Variants in RALYL observed in about 807,000 individuals in gnomAD.
The protein encoded by RALYL is RALY RNA binding protein like.
RALYL carries 29 observed loss-of-function variants against 35.1 expected under a neutral mutation model. The ratio of observed to expected loss-of-function variants is 0.83; its 90% CI spans 0.61 to 1.13. The LOEUF (loss-of-function observed/expected upper bound fraction) is 1.13. Ranked by LOEUF, RALYL falls within the 50% of genes most tolerant of loss-of-function variation. RALYL has a pLI of 0.00. For synonymous variants in RALYL, 120 were observed against 127.6 expected (o/e 0.94, Z 0.40); for missense variants, 359 against 360.4 (o/e 1.00, Z 0.03).
intron 1 of RALYL, chr8:84,185,324 C>G: frequency 2.3e-6 from 1 of 435,046 alleles, no homozygotes; most frequent in Non-Finnish European, 4.2e-6. Flanking sequence ...AAAGGTTTTC[C>G]CCTGAGAACT....
In RALYL at chr8:84,572,078, G is replaced by A. The variant is rs540377600; in HGVS notation, c.256+42501G>A. 8.6e-5 allele frequency among the ~76,000 whole-genome samples: 13 copies of A among 151,800 alleles called. No individual in the cohort carries two copies. In the South Asian group the frequency reaches 1.5e-3, roughly 17 times the overall value. On this transcript the variant is annotated intron_variant, in intron 2 of 8. Transcript: ENST00000521268. ...ATATATGTATATTCTGCCTTTGTTG[G>A]GCAGAATATTCTGTAAATGTCCATT...
intron 1 of RALYL, among the ~76,000 whole-genome samples, chr8:84,499,451 G>C (rs919074207): frequency 6.6e-6 from 1 of 152,134 alleles, no homozygotes; most frequent in Non-Finnish European, 1.5e-5. Flanking sequence ...AAGATCTGAA[G>C]ATTATTTTTA....
At chr8:84,889,868 A>C (rs1843525312) in intron 8 of RALYL, among the ~76,000 whole-genome samples, 1 of 152,086 alleles carries the variant, frequency 6.6e-6, no homozygotes, top group Non-Finnish European at 1.5e-5. Flanking sequence ...TGTTAATGCT[A>C]CTTCCAACTC....
chr8:84,826,292 GAAA>G (rs1169764529), intron 4 of RALYL, among the ~76,000 whole-genome samples: 1,268 of 65,930 alleles, frequency 0.019, 21 homozygotes, highest in African/African-American at 0.063. Flanking sequence ...CCCTGAATCT[GAAA>G]AAAAAAAAAA....
At chr8:84,596,685 C>T (rs775489765) in intron 2 of RALYL, among the ~76,000 whole-genome samples, 3 of 152,188 alleles carry the variant, frequency 2.0e-5, no homozygotes, top group East Asian at 3.9e-4. Flanking sequence ...TGTCTTCAAG[C>T]GCCTGTTAGA....
At chr8:84,448,784 G>A (rs2133134244) in intron 1 of RALYL, among the ~76,000 whole-genome samples, 1 of 152,134 alleles carries the variant, frequency 6.6e-6, no homozygotes, top group Admixed American at 6.6e-5. Context: ...GGATATATGA[G>A]CTTTGAGTAT....
intron 2 of RALYL, among the ~76,000 whole-genome samples, chr8:84,691,625 C>A (rs1484701960): frequency 6.6e-6 from 1 of 151,866 alleles, no homozygotes; most frequent in Non-Finnish European, 1.5e-5. Flanking sequence ...TTCTTCCTCC[C>A]CCCTCCCCTC....
chr8:84,746,571 A>G (rs901778129), intron 2 of RALYL, among the ~76,000 whole-genome samples: 1 of 152,020 alleles, frequency 6.6e-6, no homozygotes, highest in African/African-American at 2.4e-5. Flanking sequence ...GTATTGGACT[A>G]TACCACCAAA....
chr8:84,751,553 G>T (rs148774245), intron 2 of RALYL, among the ~76,000 whole-genome samples: 24 of 152,178 alleles, frequency 1.6e-4, no homozygotes, highest in African/African-American at 5.1e-4. Context: ...GTTTGGATTT[G>T]TGTGTCTGCC....
At chr8:84,657,802 C>T (rs1830231334) in intron 2 of RALYL, among the ~76,000 whole-genome samples, 1 of 152,154 alleles carries the variant, frequency 6.6e-6, no homozygotes, top group African/African-American at 2.4e-5. Flanking sequence ...GCTGTCAGTC[C>T]TGATTGGAGT....
chr8:84,686,675 G>T (rs1442363507), intron 2 of RALYL, among the ~76,000 whole-genome samples: 13 of 152,098 alleles, frequency 8.5e-5, no homozygotes, highest in Admixed American at 6.6e-4. Flanking sequence ...AAAGTGCTGG[G>T]ATTTTAGGCA....
intron 1 of RALYL, among the ~76,000 whole-genome samples, chr8:84,208,476 C>T (rs535439689): frequency 1.1e-3 from 164 of 152,158 alleles, no homozygotes; most frequent in Non-Finnish European, 2.0e-3. Context: ...AATAGCCCTA[C>T]TGTTAGGTCT....
chr8:84,735,808 C>CCG (rs879420557), intron 2 of RALYL, among the ~76,000 whole-genome samples: 3 of 106,740 alleles, frequency 2.8e-5, no homozygotes, highest in Non-Finnish European at 5.8e-5. Flanking sequence ...ATCATCCAAA[C>CCG]CGCGAGAGAG....
At chr8:84,443,634 C>G (rs1587318104) in intron 1 of RALYL, among the ~76,000 whole-genome samples, 1 of 152,110 alleles carries the variant, frequency 6.6e-6, no homozygotes, top group Non-Finnish European at 1.5e-5. Flanking sequence ...ATCACAATCT[C>G]GATGCCTGTA....
Position 84,619,980 on chromosome 8 carries a change from C to T in RALYL, c.256+90403C>T, listed in dbSNP as rs1295965858. 2.6e-5 allele frequency among the ~76,000 whole-genome samples: 4 copies of T among 152,076 alleles called. No individual in the cohort carries two copies. The East Asian group carries it at 5.8e-4, about 22-fold the overall frequency. ...AGAGATCCGCTGTTAGTCTGATGGG[C>T]TTCCCTTTGAGGGTAACCCGACCTT... is the stretch of plus-strand genomic sequence containing the variant. On this transcript the variant is annotated intron_variant, in intron 2 of 8. Transcript: ENST00000521268.
intron 1 of RALYL, among the ~76,000 whole-genome samples, chr8:84,187,279 A>AT (rs1812768078): frequency 6.6e-6 from 1 of 152,072 alleles, no homozygotes; most frequent in Non-Finnish European, 1.5e-5. Flanking sequence ...TACTAAATTA[A>AT]TTTTTCAATG....
chr8:84,248,696 T>C (rs889216423), intron 1 of RALYL, among the ~76,000 whole-genome samples: 2 of 152,082 alleles, frequency 1.3e-5, no homozygotes, highest in African/African-American at 4.8e-5. Context: ...ACATTTTGGG[T>C]TGAGAATCTA....
At chr8:84,885,566 T>C (rs1842814936) in intron 7 of RALYL, among the ~76,000 whole-genome samples, 1 of 152,180 alleles carries the variant, frequency 6.6e-6, no homozygotes, top group East Asian at 1.9e-4. Flanking sequence ...CAAATAATGT[T>C]GTTAAATGGA....
chr8:84,262,612 T>G (rs1832525325), intron 1 of RALYL, among the ~76,000 whole-genome samples: 2 of 152,150 alleles, frequency 1.3e-5, no homozygotes, highest in South Asian at 4.1e-4. Flanking sequence ...CTGAATTACT[T>G]TTATAGACTT....
Sources: gnomAD v4.1 joint callset for allele counts (sites outside exome capture counted in the v4.1 genomes callset) on GRCh38, gnomAD v4.1.1 for gene constraint, MANE v1.5 for transcripts, NCBI Gene and HGNC (gene_info 2026-07-23, HGNC 2026-07-21) for gene names.